MACROD1: variants seen among roughly 807,000 people sequenced by gnomAD.
MACROD1 encodes ADP-ribose glycohydrolase MACROD1.
MACROD1 carries 31 observed loss-of-function variants against 41.4 expected under a neutral mutation model. The ratio of observed to expected loss-of-function variants is 0.75; its 90% CI spans 0.56 to 1.01. The LOEUF is 1.01. Among genes scored for constraint, MACROD1 ranks in the 50% least tolerant of loss-of-function variants. MACROD1 has a pLI of 0.00. For missense variants in MACROD1, 473 were observed against 460.0 expected (o/e 1.03, Z -0.26); for synonymous variants, 252 against 203.4 (o/e 1.24, Z -2.03).
chr11:64,152,262 C>G, intron 2 of MACROD1, 30 bp downstream of exon 2: 1 of 1,602,488 alleles, frequency 6.2e-7, no homozygotes, highest in Non-Finnish European at 8.6e-7. Context: ...TGGAGCCTGC[C>G]CACCAGGGCC....
In MACROD1 at chr11:64,010,819, T is replaced by G. The variant is rs555653161; in HGVS notation, c.547+4433A>C. Among the ~76,000 whole-genome samples the G allele has an allele frequency of 2.1e-3, 290 of 140,692 alleles. 2 individuals are homozygous for G. The highest frequency in any genetic ancestry group is 0.013 in the Middle Eastern group (3 of 232). 92.3% of individuals were successfully genotyped at this position (140,692 alleles called of 152,430 possible). On this transcript the variant is annotated intron_variant, in intron 4 of 10. Transcript: ENST00000255681. ...GTTGGCTGGCATGTTGGTTGGGGTA[T>G]TGGTTGGGGTGTTGGCTTGCATGTT...
chr11:64,061,964 C>T (rs1264677259), intron 3 of MACROD1, among the ~76,000 whole-genome samples: 2 of 145,578 alleles, frequency 1.4e-5, no homozygotes, highest in African/African-American at 5.1e-5. Context: ...ACCACCATGC[C>T]ACCCCCACCC....
In MACROD1 at chr11:64,022,652, A is replaced by G. The variant is rs60960641; in HGVS notation, c.518-7371T>C. 7.7e-3 allele frequency among the ~76,000 whole-genome samples: 1,173 copies of G among 152,270 alleles called. 13 individuals carry two copies. Among genetic ancestry groups the G allele is most frequent in the African/African-American group, 0.025 (1,050 of 41,546 alleles). ...TTTGAAGATAAAATAAGAGACTTCA[A>G]AGGCCCCTCAAGCTGTGAGAGCAGT... On this transcript the variant is annotated intron_variant, in intron 3 of 10. Coordinates refer to ENST00000255681, the MANE Select transcript of MACROD1 (RefSeq NM_014067.4).
chr11:64,067,707 G>A lies in MACROD1; in HGVS notation c.518-52426C>T, dbSNP rs565737545. Among the ~76,000 whole-genome samples, 16 of 152,312 alleles carry A rather than the reference G, an allele frequency of 1.1e-4. No homozygotes were observed. The highest frequency in any genetic ancestry group is 3.4e-4 in the African/African-American group (14 of 41,562). ...GAGCTGCCCTGCCTGCAGTGATTGC[G>A]GACACGCCCCTCGCGAGGCACCGCA... On this transcript the variant is annotated intron_variant, in intron 3 of 10. Transcript: ENST00000255681. The surrounding 1 kb of genome is among the most constrained non-coding windows in gnomAD (Gnocchi z 4.6).
At chr11:64,126,607 CACA>C (rs748712367) in intron 3 of MACROD1, among the ~76,000 whole-genome samples, 2 of 152,122 alleles carry the variant, frequency 1.3e-5, no homozygotes, top group Non-Finnish European at 2.9e-5. Flanking sequence ...TGGAGTGGCA[CACA>C]ACGTCATCCC....
chr11:64,137,048 A>G (rs888159953), intron 3 of MACROD1, among the ~76,000 whole-genome samples: 4 of 152,242 alleles, frequency 2.6e-5, no homozygotes, highest in Non-Finnish European at 5.9e-5. Context: ...CGCTTTTCTC[A>G]GCAGGAACAA....
At chr11:64,147,511 C>T (rs1002958226) in intron 3 of MACROD1, among the ~76,000 whole-genome samples, 2 of 151,730 alleles carry the variant, frequency 1.3e-5, no homozygotes, top group African/African-American at 4.8e-5. Context: ...CTGCCTCAGC[C>T]TCCTGGGTTC....
At chr11:64,009,905 C>T (rs543181375) in intron 4 of MACROD1, among the ~76,000 whole-genome samples, 11 of 152,398 alleles carry the variant, frequency 7.2e-5, no homozygotes, top group East Asian at 1.9e-4. Context: ...GCCCCAGTTG[C>T]GCCGGCCCCT....
At chr11:64,084,159 C>G (rs551376986) in intron 3 of MACROD1, among the ~76,000 whole-genome samples, 1 of 152,272 alleles carries the variant, frequency 6.6e-6, no homozygotes, top group African/African-American at 2.4e-5. Context: ...ATGGCACGCG[C>G]GCCTTCTGCA....
chr11:64,030,416 T>C (rs921625547), intron 3 of MACROD1, among the ~76,000 whole-genome samples: 1 of 152,180 alleles, frequency 6.6e-6, no homozygotes, highest in East Asian at 1.9e-4. Flanking sequence ...TGTCCCCACA[T>C]GCTGGACACT....
At chr11:64,160,259 T>C (rs1452515067) in intron 1 of MACROD1, among the ~76,000 whole-genome samples, 4 of 152,132 alleles carry the variant, frequency 2.6e-5, no homozygotes, top group African/African-American at 9.7e-5. Flanking sequence ...AGATTACAAT[T>C]TGGCTTCCAT....
rs559204961 is a variant in MACROD1 at position 64,122,207 on chromosome 11, C to T, written c.517+29032G>A. On this transcript the variant is annotated intron_variant, in intron 3 of 10. Transcript: ENST00000255681. The surrounding 1 kb of genome is among the most constrained non-coding windows in gnomAD (Gnocchi z 4.0). The stretch of plus-strand genomic sequence containing the variant: ...CTTTTCTTCCCTTTTCTCCTTCCCC[C>T]TCCCCACGGCCTCCCGCCACAGCCT... Among the ~76,000 whole-genome samples the T allele has an allele frequency of 6.6e-6, 1 of 152,356 alleles. No homozygotes were observed. Among genetic ancestry groups the T allele is most frequent in the African/African-American group, 2.4e-5 (1 of 41,574 alleles).
intron 3 of MACROD1, among the ~76,000 whole-genome samples, chr11:64,063,986 G>A (rs993869955): frequency 6.6e-6 from 1 of 152,132 alleles, no homozygotes; most frequent in African/African-American, 2.4e-5. Context: ...TCCGAGTGAC[G>A]GCTCCTCTTG....
At chr11:64,050,858 A>C (rs1943680190) in intron 3 of MACROD1, among the ~76,000 whole-genome samples, 1 of 152,188 alleles carries the variant, frequency 6.6e-6, no homozygotes, top group African/African-American at 2.4e-5. Flanking sequence ...ACCTCAGGTG[A>C]TCCGCCTGCC....
chr11:64,112,884 C>T (rs552617390), intron 3 of MACROD1, among the ~76,000 whole-genome samples: 104 of 152,330 alleles, frequency 6.8e-4, no homozygotes, highest in African/African-American at 2.3e-3. Context: ...GTGAAGGGAA[C>T]GTTTGAGTGT....
intron 3 of MACROD1, among the ~76,000 whole-genome samples, chr11:64,076,291 A>G (rs1944199367): frequency 6.6e-6 from 1 of 152,194 alleles, no homozygotes; most frequent in African/African-American, 2.4e-5. Context: ...GCATGGGTCA[A>G]AAGACCCCAC....
chr11:64,018,212 C>T (rs1293341096), intron 3 of MACROD1, among the ~76,000 whole-genome samples: 2 of 152,140 alleles, frequency 1.3e-5, no homozygotes, highest in African/African-American at 2.4e-5. Flanking sequence ...AGGCCACCCA[C>T]GCACAGTGGG....
intron 4 of MACROD1, among the ~76,000 whole-genome samples, chr11:64,003,888 G>A (rs1565190606): frequency 6.6e-6 from 1 of 152,206 alleles, no homozygotes; most frequent in Non-Finnish European, 1.5e-5. Context: ...GCCTCTTGTT[G>A]CACAGTGTTC....
chr11:64,045,670 C>A (rs568739192), intron 3 of MACROD1, among the ~76,000 whole-genome samples: 20 of 152,316 alleles, frequency 1.3e-4, no homozygotes, highest in African/African-American at 4.6e-4. Context: ...GTCTCAAAGG[C>A]AGGCGCACAT....
Sources: gnomAD v4.1 joint callset for allele counts (sites outside exome capture counted in the v4.1 genomes callset) on GRCh38, gnomAD v4.1.1 for gene constraint, Gnocchi (gnomAD v3.1) non-coding constraint, MANE v1.5 for transcripts, NCBI Gene and HGNC (gene_info 2026-07-23, HGNC 2026-07-21) for gene names.